The following CAGE1 variants were observed in gnomAD, a reference collection of about 807,000 sequenced individuals.
CAGE1 encodes the protein cancer-associated gene 1 protein.
CAGE1 carries 66 observed loss-of-function variants against 94.9 expected under a neutral mutation model. That is an observed-to-expected ratio of 0.70 (90% CI 0.57 to 0.85). CAGE1 has a LOEUF of 0.85. Ranked by LOEUF, CAGE1 falls within the 40% of genes least tolerant of loss-of-function variation. CAGE1 has a pLI of 0.00. For synonymous variants in CAGE1, 319 were observed against 321.0 expected, an observed-to-expected ratio of 0.99 and a Z score of 0.07; for missense variants, 865 against 950.4, an observed-to-expected ratio of 0.91 and a Z score of 1.18.
chr6:7,331,328 GA>G, intron 12 of CAGE1: 1 of 1,041,240 alleles, frequency 9.6e-7, no homozygotes, highest in Non-Finnish European at 1.4e-6. Flanking sequence ...TCAAACAAAA[GA>G]GACCCGTAAG....
chr6:7,365,362 C>T lies in CAGE1; in HGVS notation c.2193+106G>A, dbSNP rs1024440575. The T allele has an allele frequency of 6.1e-6, 5 of 814,708 alleles. No homozygotes were observed. The Admixed American group carries it at 7.5e-5, about 12-fold the overall frequency. The allele number at this position is 814,708 out of a possible 1,614,324, so 50.5% of individuals were successfully genotyped here. On this transcript the variant is annotated intron_variant, in intron 9 of 13. Transcript: ENST00000502583. ...ATAATGCCATGATGCCAGTGTGTGA[C>T]CCTTTTTATAAGCCAGTTTTTTGAA... is the stretch of plus-strand genomic sequence containing the variant.
Position 7,339,314 on chromosome 6 carries a change from C to T in CAGE1, c.2370-5224G>A, listed in dbSNP as rs2113361215. 2 of 1,588,484 alleles carry T rather than the reference C, an allele frequency of 1.3e-6. No homozygotes were observed. Among genetic ancestry groups the T allele is most frequent in the South Asian group, 2.2e-5 (2 of 90,516 alleles). On this transcript the variant is annotated intron_variant, in intron 11 of 13. Coordinates refer to ENST00000502583, the MANE Select transcript of CAGE1 (RefSeq NM_001170692.2). This position sits in a 1 kb window ranked among gnomAD's most constrained non-coding sequence, Gnocchi z 4.7. Reference sequence around the variant, plus strand: ...TAGTGGCCACCTCTTCAGCATAAAGCTCTACACTGCCCTCTGGAGAGCCAA... The same window carrying T: ...TAGTGGCCACCTCTTCAGCATAAAGTTCTACACTGCCCTCTGGAGAGCCAA...
Position 7,339,259 on chromosome 6 carries a change from ACT to A in CAGE1, c.2370-5171_2370-5170del, listed in dbSNP as rs1759079543. 11 of 1,580,328 alleles carry A rather than the reference ACT, an allele frequency of 7.0e-6. No homozygotes were observed. Among genetic ancestry groups the A allele is most frequent in the Non-Finnish European group, 9.6e-6 (11 of 1,150,710 alleles). ...CCTCCTAGGAGTTTGTAAGGCAGAG[ACT>A]CTGCCTGGGCAATGGCACACAGACC... On this transcript the variant is annotated intron_variant, in intron 11 of 13. Coordinates refer to ENST00000502583, the MANE Select transcript of CAGE1 (RefSeq NM_001170692.2). This position sits in a 1 kb window ranked among gnomAD's most constrained non-coding sequence, Gnocchi z 4.7.
intron 11 of CAGE1, among the ~76,000 whole-genome samples, chr6:7,337,682 C>T (rs140109606): frequency 1.2e-3 from 180 of 152,260 alleles, no homozygotes; most frequent in African/African-American, 4.0e-3. Context: ...ATGCATGGGT[C>T]CAGGTCTGCA....
chr6:7,374,114 T>C lies in CAGE1; in HGVS notation c.705A>G (p.Lys235=). ...SFLCKTAVPS[K]EIQNYGEIPE... is the part of the protein sequence containing the mutation. ...GAATCTCCCCATAATTCTGTATTTC[T>C]TTTGAAGGAACTGCAGTCTGTAAAT... The change falls in exon 5 of 14, where the codon AAA becomes AAG. Residue 235 remains lysine (K), a synonymous_variant. Coordinates refer to ENST00000502583, the MANE Select transcript of CAGE1 (RefSeq NM_001170692.2). 1 of 1,612,246 alleles carries C rather than the reference T, an allele frequency of 6.2e-7. No individual in the cohort carries two copies.
rs768674093 is a variant in CAGE1, at chr6:7,373,370, C to A, written c.1449G>T (p.Glu483Asp). Residue 483 changes from glutamate (E) to aspartate (D), a missense_variant, in exon 5 of 14, where the codon GAG becomes GAT. Transcript: ENST00000502583. ...LKREKEAQEQEFLSLQEEFQK... is the reference protein window; with the variant it reads ...LKREKEAQEQDFLSLQEEFQK... The stretch of plus-strand genomic sequence containing the variant: ...GGAATTCCTCCTGTAAAGACAAGAA[C>A]TCTTGTTCTTGGGCCTCTTTTTCCC... 1 of 1,613,716 alleles carries A rather than the reference C, an allele frequency of 6.2e-7. No individual in the cohort carries two copies. The highest frequency in any genetic ancestry group is 8.5e-7 in the Non-Finnish European group (1 of 1,179,798).
chr6:7,351,621 T>C (rs1441483617), intron 11 of CAGE1, among the ~76,000 whole-genome samples: 1 of 146,632 alleles, frequency 6.8e-6, no homozygotes, highest in Non-Finnish European at 1.5e-5. Flanking sequence ...ACACAGACGC[T>C]AAACTCCTTA....
At chr6:7,366,263 A>T (rs1475977448) in intron 7 of CAGE1, among the ~76,000 whole-genome samples, 1 of 151,794 alleles carries the variant, frequency 6.6e-6, no homozygotes, top group South Asian at 2.1e-4. Context: ...AAAAAAAAAA[A>T]ATCAAACCAT....
At position 7,339,415 on chromosome 6, in the gene CAGE1, C is replaced by G. The variant is rs1053470835; in HGVS notation, c.2370-5325G>C. On this transcript the variant is annotated intron_variant, in intron 11 of 13. Transcript: ENST00000502583. The surrounding 1 kb of genome is among the most constrained non-coding windows in gnomAD (Gnocchi z 4.7). ...CCAAGAACATTCTGTGTTCTGGTGG[C>G]TAAGACAATGATTTCTGTCCTGGTT... 2.6e-6 allele frequency: 4 copies of G among 1,537,514 alleles called. No individual in the cohort carries two copies. Among genetic ancestry groups the G allele is most frequent in the Non-Finnish European group, 2.7e-6 (3 of 1,111,498 alleles).
chr6:7,387,407 T>C (rs1388388602), intron 1 of CAGE1, among the ~76,000 whole-genome samples: 1 of 152,212 alleles, frequency 6.6e-6, no homozygotes, highest in Non-Finnish European at 1.5e-5. Flanking sequence ...TATTGGCTAC[T>C]ATCCAATAAC....
intron 11 of CAGE1, among the ~76,000 whole-genome samples, chr6:7,344,260 G>A (rs142259191): frequency 1.4e-3 from 215 of 152,332 alleles, no homozygotes; most frequent in African/African-American, 4.6e-3. Context: ...TGGCGCTTGC[G>A]GGCCAGCTGG....
At chr6:7,389,138 G>A (rs1761243301) in intron 1 of CAGE1, 64 bp downstream of exon 1, 4 of 394,830 alleles carry the variant, frequency 1.0e-5, no homozygotes, top group African/African-American at 2.1e-5. Context: ...GAGGTGTCAC[G>A]GGAGTTACTC....
intron 11 of CAGE1, among the ~76,000 whole-genome samples, chr6:7,346,984 CAACTG>C (rs1158850657): frequency 6.6e-6 from 1 of 152,200 alleles, no homozygotes; most frequent in African/African-American, 2.4e-5. Flanking sequence ...ATCAACCACT[CAACTG>C]AAATATACAT....
At chr6:7,334,627 C>T (rs796789231) in intron 11 of CAGE1, among the ~76,000 whole-genome samples, 16 of 146,040 alleles carry the variant, frequency 1.1e-4, no homozygotes, top group African/African-American at 3.9e-4. Flanking sequence ...ACTTGGGAGG[C>T]TGAGCTGGGA....
At chr6:7,343,190 C>CAAAA (rs769864903) in intron 11 of CAGE1, among the ~76,000 whole-genome samples, 2,198 of 113,146 alleles carry the variant, frequency 0.019, 55 homozygotes, top group African/African-American at 0.056. Flanking sequence ...CTCTGTCCCA[C>CAAAA]AAAAAAAAAA....
chr6:7,329,774 C>G (rs1028316699), intron 13 of CAGE1, 75 bp downstream of exon 13: 23 of 728,648 alleles, frequency 3.2e-5, no homozygotes, highest in Non-Finnish European at 4.8e-5. Context: ...TTCAGGAACT[C>G]CTATTAAATC....
chr6:7,385,757 T>TA, intron 3 of CAGE1, 28 bp downstream of exon 3: 1 of 1,401,934 alleles, frequency 7.1e-7, no homozygotes, highest in Non-Finnish European at 9.6e-7. Flanking sequence ...TTCTCTCTTT[T>TA]GCATATTGCT....
intron 3 of CAGE1, among the ~76,000 whole-genome samples, chr6:7,380,719 C>T (rs1366198223): frequency 6.6e-6 from 1 of 151,172 alleles, no homozygotes; most frequent in Non-Finnish European, 1.5e-5. Context: ...GTAGTTCATT[C>T]TACTGAAAGA....
At chr6:7,378,580 T>A (rs752460978) in intron 4 of CAGE1, 37 bp downstream of exon 4, 1 of 1,513,940 alleles carries the variant, frequency 6.6e-7, no homozygotes, top group Admixed American at 2.3e-5. Context: ...CTATTCTCTT[T>A]ATCAAATGGT....
Sources: gnomAD v4.1 joint callset for allele counts (sites outside exome capture counted in the v4.1 genomes callset) on GRCh38, gnomAD v4.1.1 for gene constraint, Gnocchi (gnomAD v3.1) non-coding constraint, MANE v1.5 for transcripts, NCBI Gene and HGNC (gene_info 2026-07-23, HGNC 2026-07-21) for gene names.